SP140: variants seen among roughly 807,000 people sequenced by gnomAD.
SP140 encodes the protein SP140 nuclear body protein.
In SP140, 81 loss-of-function variants were observed where a neutral mutation model predicts 125.0. That is an observed-to-expected ratio of 0.65 (90% CI 0.54 to 0.78). The LOEUF is 0.78. Among genes scored for constraint, SP140 ranks in the 30% least tolerant of loss-of-function variants. The pLI is 0.00. For missense variants in SP140, 858 were observed against 1,037.0 expected, an observed-to-expected ratio of 0.83 and a Z score of 2.37; for synonymous variants, 312 against 354.0, an observed-to-expected ratio of 0.88 and a Z score of 1.33.
chr2:230,275,476 A>G (rs912455511), intron 15 of SP140, among the ~76,000 whole-genome samples: 5 of 152,176 alleles, frequency 3.3e-5, no homozygotes, highest in Admixed American at 2.0e-4. Flanking sequence ...CTAACTGTCT[A>G]TGGCACCACA....
chr2:230,195,921 G>A, the SP140 span, among the ~76,000 whole-genome samples: 75 of 151,988 alleles, frequency 4.9e-4, 1 homozygote, highest in East Asian at 0.014. Flanking sequence ...TGGTAATCTA[G>A]GAAAATAAGC....
intron 18 of SP140, among the ~76,000 whole-genome samples, chr2:230,289,124 C>A (rs939479500): frequency 2.0e-5 from 3 of 152,208 alleles, no homozygotes; most frequent in African/African-American, 7.2e-5. Context: ...TCCTCTTCAG[C>A]ATCTGTTGTT....
intron 10 of SP140, among the ~76,000 whole-genome samples, chr2:230,252,551 A>G (rs574359704): frequency 4.6e-5 from 7 of 152,268 alleles, no homozygotes; most frequent in South Asian, 2.1e-4. Context: ...TGTGTCAAGC[A>G]TGAAAATGAG....
intron 26 of SP140, 43 bp from the exon 27 acceptor site, chr2:230,312,543 C>A (rs2059414692): frequency 7.5e-7 from 1 of 1,332,066 alleles, no homozygotes; most frequent in Non-Finnish European, 1.1e-6. Context: ...TCTCATGACG[C>A]TAATGATGAG....
chr2:230,237,106 T>C lies in SP140; in HGVS notation c.83T>C (p.Val28Ala). 1.3e-6 allele frequency: 2 copies of C among 1,599,626 alleles called. No homozygotes were observed. The highest frequency in any genetic ancestry group is 1.7e-6 in the Non-Finnish European group (2 of 1,175,504). ...NFRMVAEIQNVEGQNLQEQVC... is the reference protein window; with the variant it reads ...NFRMVAEIQNAEGQNLQEQVC... ...AGGATGGTCGCAGAGATCCAGAACG[T>C]AGAGGGTCAGAACCTGCAGGAGCAG... The change falls in exon 2 of 27, where the codon GTA becomes GCA. Residue 28 changes from valine to alanine, a missense_variant. Physicochemically the swap from Val to Ala is moderately conservative, Grantham distance 64 (BLOSUM62 0). This residue lies in a region of SP140 where 791 missense variants were observed against 869.5 expected (regional missense o/e 0.91). Transcript: ENST00000392045. This position sits in a 1 kb window ranked among gnomAD's most constrained non-coding sequence, Gnocchi z 5.4.
intron 22 of SP140, among the ~76,000 whole-genome samples, chr2:230,309,658 C>T (rs1236693388): frequency 6.6e-6 from 1 of 152,214 alleles, no homozygotes; most frequent in Non-Finnish European, 1.5e-5. Context: ...CATCATCTTG[C>T]TTTGTTGCTA....
At chr2:230,291,431 A>C (rs904661875) in intron 19 of SP140, among the ~76,000 whole-genome samples, 4 of 152,356 alleles carry the variant, frequency 2.6e-5, no homozygotes, top group Non-Finnish European at 5.9e-5. Flanking sequence ...ATTAGCAGTC[A>C]GTGCCTATTC....
At chr2:230,291,299 T>C (rs2057084090) in intron 19 of SP140, among the ~76,000 whole-genome samples, 1 of 152,238 alleles carries the variant, frequency 6.6e-6, no homozygotes, top group Non-Finnish European at 1.5e-5. Context: ...TCACATATCA[T>C]ACAACTCACC....
downstream of SP140, chr2:230,313,257 A>G (rs1220407426): frequency 6.6e-6 from 1 of 152,588 alleles, no homozygotes; most frequent in East Asian, 1.9e-4. Flanking sequence ...GCTCAACCAA[A>G]GAACCTAGCA....
the SP140 span, among the ~76,000 whole-genome samples, chr2:230,191,755 G>T: frequency 1.3e-5 from 2 of 152,166 alleles, no homozygotes; most frequent in African/African-American, 2.4e-5. Flanking sequence ...CAATTGAAAA[G>T]GAGGGAACTC....
intron 3 of SP140, chr2:230,215,206 C>G: frequency 2.0e-6 from 2 of 1,020,640 alleles, no homozygotes; most frequent in South Asian, 1.4e-5. Flanking sequence ...TTTAAGAAAG[C>G]TACCTTACTC....
chr2:230,222,707 AAAAG>A (rs2045921471), upstream of SP140, among the ~76,000 whole-genome samples: 1 of 152,020 alleles, frequency 6.6e-6, no homozygotes, highest in Non-Finnish European at 1.5e-5. Flanking sequence ...AAAAAAAAAA[AAAAG>A]ATACAGACCA....
chr2:230,288,539 T>A (rs75456504), intron 18 of SP140, among the ~76,000 whole-genome samples: 24,609 of 149,026 alleles, frequency 0.17, 2,070 homozygotes, highest in East Asian at 0.27. Flanking sequence ...ATTCTTTAAG[T>A]TCTGAGATAC....
intron 15 of SP140, among the ~76,000 whole-genome samples, chr2:230,272,576 C>T (rs1304242604): frequency 7.2e-5 from 11 of 152,160 alleles, no homozygotes; most frequent in Admixed American, 7.2e-4. Flanking sequence ...TGACTTGCTC[C>T]TCCTTGTCTT....
At chr2:230,215,477 T>C (rs2045033229) in intron 3 of SP140, among the ~76,000 whole-genome samples, 1 of 152,196 alleles carries the variant, frequency 6.6e-6, no homozygotes, top group Non-Finnish European at 1.5e-5. Context: ...GGCAGGATAC[T>C]TCAGCAATGG....
chr2:230,256,384 G>A (rs1373578086), intron 12 of SP140, among the ~76,000 whole-genome samples: 1 of 148,678 alleles, frequency 6.7e-6, no homozygotes, highest in Non-Finnish European at 1.5e-5. Flanking sequence ...GGACATGGAT[G>A]AAGCTGGAAA....
chr2:230,297,534 G>A, intron 22 of SP140, 72 bp downstream of exon 22: 1 of 1,544,504 alleles, frequency 6.5e-7, no homozygotes, highest in Non-Finnish European at 8.9e-7. Context: ...TCTGTGTCAT[G>A]ACTGCTGTTG....
intron 22 of SP140, among the ~76,000 whole-genome samples, chr2:230,306,693 C>T (rs2149590051): frequency 6.6e-6 from 1 of 152,384 alleles, no homozygotes; most frequent in Middle Eastern, 3.4e-3. Context: ...GCAGAGCTGA[C>T]ACACCAGGCC....
At position 230,253,396 on chromosome 2, in the gene SP140, C is replaced by A. The variant is rs772936985; in HGVS notation, c.1138C>A (p.Leu380Ile). Residue 380 changes from leucine to isoleucine, a missense_variant, in exon 11 of 27, where the codon CTA (leucine) becomes ATA (isoleucine). This residue lies in a region of SP140 where 791 missense variants were observed against 869.5 expected (regional missense o/e 0.91). Coordinates refer to ENST00000392045, the MANE Select transcript of SP140 (RefSeq NM_007237.5). ...NEGEPEKELSLLPGEGEEGSD... is the reference protein window; with the variant it reads ...NEGEPEKELSILPGEGEEGSD... The stretch of plus-strand genomic sequence containing the variant: ...AGGAGAACCAGAGAAGGAGCTCAGT[C>A]TACTACCAGGTGAAGGAGAAGGTAA... 6.2e-7 allele frequency: 1 copy of A among 1,605,844 alleles called. No homozygotes were observed. Among genetic ancestry groups the A allele is most frequent in the Non-Finnish European group, 8.5e-7 (1 of 1,172,552 alleles).
Sources: allele counts gnomAD v4.1 joint callset (sites outside exome capture counted in the v4.1 genomes callset), GRCh38; gene constraint gnomAD v4.1.1; regional missense constraint gnomAD v4.1.1; non-coding constraint Gnocchi (gnomAD v3.1); transcripts MANE v1.5; gene names NCBI Gene and HGNC (gene_info 2026-07-23, HGNC 2026-07-21).